The following UHRF1 variants were observed in gnomAD, a reference collection of about 807,000 sequenced individuals.
UHRF1 encodes the protein E3 ubiquitin-protein ligase UHRF1.
UHRF1 carries 9 observed loss-of-function variants against 96.5 expected under a neutral mutation model. That is an observed-to-expected ratio of 0.09 (90% CI 0.06 to 0.16). The LOEUF (loss-of-function observed/expected upper bound fraction) is 0.16. UHRF1 is among the 10% of genes least tolerant of loss of function. The pLI is 1.00. For missense variants in UHRF1, 626 were observed against 1,131.1 expected, an observed-to-expected ratio of 0.55 and a Z score of 6.40; for synonymous variants, 455 against 469.9, an observed-to-expected ratio of 0.97 and a Z score of 0.41.
chr19:4,941,426 C>T (rs1275878814), intron 5 of UHRF1, 102 bp from the exon 6 acceptor site: 13 of 828,780 alleles, frequency 1.6e-5, no homozygotes, highest in South Asian at 3.1e-5. Flanking sequence ...CGTAGCTGAG[C>T]TGTTGCCCCA....
chr19:4,928,180 T>C (rs1367823237), intron 2 of UHRF1, among the ~76,000 whole-genome samples: 1 of 149,934 alleles, frequency 6.7e-6, no homozygotes, highest in Non-Finnish European at 1.5e-5. Flanking sequence ...TGGCATGGAG[T>C]AGGTGGAGGC....
At chr19:4,958,641 G>A (rs1035937548) in intron 16 of UHRF1, among the ~76,000 whole-genome samples, 1 of 152,216 alleles carries the variant, frequency 6.6e-6, no homozygotes, top group African/African-American at 2.4e-5. Flanking sequence ...GGGGTTCTGG[G>A]AAACAGGCTG....
intron 2 of UHRF1, among the ~76,000 whole-genome samples, chr19:4,926,007 C>A (rs1471786249): frequency 6.6e-6 from 1 of 152,164 alleles, no homozygotes; most frequent in African/African-American, 2.4e-5. Context: ...AAGCAATTGT[C>A]CTTCCTCAGC....
At position 4,936,721 on chromosome 19, in the gene UHRF1, C is replaced by T. The variant is rs192603186; in HGVS notation, c.785+3765C>T. Among the ~76,000 whole-genome samples, 271 of 151,118 alleles carry T rather than the reference C, an allele frequency of 1.8e-3. 2 individuals carry two copies. The highest frequency in any genetic ancestry group is 5.9e-3 in the African/African-American group (242 of 41,046). On this transcript the variant is annotated intron_variant, in intron 5 of 16. Coordinates refer to ENST00000650932, the MANE Select transcript of UHRF1 (RefSeq NM_001048201.3). The stretch of plus-strand genomic sequence containing the variant: ...CTTTGGGAGGCTGAGGTGGGAGGAT[C>T]GCTTGAGCCTGGGAGGTTGAGGCTG...
chr19:4,916,412 C>T (rs372429849), intron 2 of UHRF1, among the ~76,000 whole-genome samples: 9 of 152,160 alleles, frequency 5.9e-5, no homozygotes, highest in East Asian at 3.9e-4. Context: ...TCCCTGGTGA[C>T]GCAGCCTCCA....
chr19:4,946,578 TG>T (rs2033572076), intron 10 of UHRF1, among the ~76,000 whole-genome samples: 1 of 146,926 alleles, frequency 6.8e-6, no homozygotes, highest in African/African-American at 2.4e-5. Flanking sequence ...TGTTGAGTGT[TG>T]TTTTTTTTTT....
chr19:4,928,634 C>G (rs2032946939), intron 2 of UHRF1, among the ~76,000 whole-genome samples: 1 of 152,210 alleles, frequency 6.6e-6, no homozygotes, highest in Non-Finnish European at 1.5e-5. Flanking sequence ...TCATAGGAAG[C>G]TCATGGATGC....
intron 1 of UHRF1, 129 bp from the exon 2 acceptor site, chr19:4,910,747 C>A: frequency 8.5e-7 from 1 of 1,173,452 alleles, no homozygotes; most frequent in Non-Finnish European, 1.2e-6. Flanking sequence ...TACAGGAGGA[C>A]TGGAAGGGCA....
At chr19:4,928,162 G>T (rs2032932297) in intron 2 of UHRF1, among the ~76,000 whole-genome samples, 1 of 151,894 alleles carries the variant, frequency 6.6e-6, no homozygotes, top group Non-Finnish European at 1.5e-5. Flanking sequence ...ACAACTACGG[G>T]GTGCTCCTGG....
chr19:4,957,515 A>G (rs1252077660), intron 16 of UHRF1, among the ~76,000 whole-genome samples: 2 of 151,950 alleles, frequency 1.3e-5, no homozygotes, highest in Admixed American at 6.6e-5. Context: ...TCACCGTGTT[A>G]GCCAGGATGG....
At chr19:4,917,495 G>T (rs2032560580) in intron 2 of UHRF1, among the ~76,000 whole-genome samples, 1 of 151,238 alleles carries the variant, frequency 6.6e-6, no homozygotes, top group East Asian at 2.0e-4. Context: ...CTTTACTAAA[G>T]ATACAAAAAT....
At chr19:4,914,072 C>A (rs1296831189) in intron 2 of UHRF1, among the ~76,000 whole-genome samples, 2 of 152,026 alleles carry the variant, frequency 1.3e-5, no homozygotes, top group Non-Finnish European at 2.9e-5. Context: ...CCCCCTCCCC[C>A]ACCTTGGCCT....
At position 4,954,395 on chromosome 19, in the gene UHRF1, A is replaced by G; in HGVS notation, c.1864A>G (p.Lys622Glu). 6.2e-7 allele frequency: 1 copy of G among 1,613,510 alleles called. No individual in the cohort carries two copies. Among genetic ancestry groups the G allele is most frequent in the Admixed American group, 1.7e-5 (1 of 59,954 alleles). ...LEALANRERE[K>E]ENSKREEEEQ... ...AGCCCTGGCCAACCGAGAGCGAGAG[A>G]AGGAGAACAGCAAGAGGGAGGAGGA... The change falls in exon 14 of 17, where the codon AAG (lysine) becomes GAG (glutamate). Residue 622 changes from lysine to glutamate, a missense_variant. This residue lies in a region of UHRF1 where 90 missense variants were observed against 94.7 expected (regional missense o/e 0.95). Coordinates refer to ENST00000650932, the MANE Select transcript of UHRF1 (RefSeq NM_001048201.3). The surrounding 1 kb of genome is among the most constrained non-coding windows in gnomAD (Gnocchi z 5.9).
chr19:4,955,345 C>T (rs7257451), intron 15 of UHRF1, among the ~76,000 whole-genome samples: 95,680 of 151,726 alleles, frequency 0.63, 31,347 homozygotes, highest in African/African-American at 0.68. Flanking sequence ...CGGCTCGGGG[C>T]CCCTTCCTCC....
intron 5 of UHRF1, among the ~76,000 whole-genome samples, chr19:4,933,792 G>A (rs576094729): frequency 5.3e-5 from 8 of 152,264 alleles, no homozygotes; most frequent in African/African-American, 1.7e-4. Flanking sequence ...TTATTGGGAC[G>A]TGGTCACACC....
At chr19:4,935,386 A>C (rs970994556) in intron 5 of UHRF1, among the ~76,000 whole-genome samples, 7 of 152,142 alleles carry the variant, frequency 4.6e-5, no homozygotes, top group African/African-American at 1.7e-4. Flanking sequence ...GCCATGCGGA[A>C]CTGTGAGTCC....
rs2032971699 is a variant in UHRF1, at chr19:4,929,289, G to A, written c.221G>A (p.Arg74His). The change falls in exon 3 of 17, where the codon CGC (arginine) becomes CAC (histidine). Residue 74 changes from arginine to histidine, a missense_variant. By Grantham distance (29) the Arg-to-His change is conservative. Around this residue, in one of 11 missense-constraint regions of UHRF1, gnomAD observed 53 missense variants for 95.9 expected, o/e 0.55. Coordinates refer to ENST00000650932, the MANE Select transcript of UHRF1 (RefSeq NM_001048201.3). ...RLNDTIQLLV[R>H]QSLVLPHSTK... ...AATGACACCATCCAGCTCCTGGTCCGCCAGAGCCTCGTGCTCCCCCACAGC... is the reference window on the plus strand; with the variant it reads ...AATGACACCATCCAGCTCCTGGTCCACCAGAGCCTCGTGCTCCCCCACAGC... 2 of 1,613,858 alleles carry A rather than the reference G, an allele frequency of 1.2e-6. No individual in the cohort carries two copies. Among genetic ancestry groups the A allele is most frequent in the Non-Finnish European group, 1.7e-6 (2 of 1,179,894 alleles).
chr19:4,922,852 A>T (rs2032745091), intron 2 of UHRF1, among the ~76,000 whole-genome samples: 1 of 152,096 alleles, frequency 6.6e-6, no homozygotes, highest in Non-Finnish European at 1.5e-5. Context: ...ACTGGGAGAC[A>T]CTTCCTGTCC....
At chr19:4,959,158 T>C (rs947443788) in intron 16 of UHRF1, among the ~76,000 whole-genome samples, 9 of 151,718 alleles carry the variant, frequency 5.9e-5, no homozygotes, top group African/African-American at 2.2e-4. Flanking sequence ...GATGAAACCC[T>C]GTCTCTACTA....
Sources: allele counts gnomAD v4.1 joint callset (sites outside exome capture counted in the v4.1 genomes callset), GRCh38; gene constraint gnomAD v4.1.1; regional missense constraint gnomAD v4.1.1; non-coding constraint Gnocchi (gnomAD v3.1); transcripts MANE v1.5; gene names NCBI Gene and HGNC (gene_info 2026-07-23, HGNC 2026-07-21).